The following TRIM35 variants were observed in gnomAD, a reference collection of about 807,000 sequenced individuals.
TRIM35 encodes E3 ubiquitin-protein ligase TRIM35.
TRIM35 carries 37 observed loss-of-function variants against 49.1 expected under a neutral mutation model. The ratio of observed to expected loss-of-function variants is 0.75; its 90% CI spans 0.58 to 0.99. TRIM35 has a LOEUF of 0.99. Ranked by LOEUF, TRIM35 falls within the 50% of genes least tolerant of loss-of-function variation. The probability of loss-of-function intolerance (pLI) is 0.00; values close to 1 mark genes in which losing one functional copy is unlikely to be tolerated. For missense variants in TRIM35, 648 were observed against 702.7 expected (o/e 0.92, Z 0.88); for synonymous variants, 302 against 289.3 (o/e 1.04, Z -0.45).
chr8:27,288,181 C>T lies in TRIM35; in HGVS notation c.905-54G>A. ...AGCAAACCTGAGGTCCCTTAGGCCA[C>T]ACGTGGATATCTCCAGCCCCACAAA... On this transcript the variant is annotated intron_variant, in intron 5 of 5. Transcript: ENST00000305364. The T allele has an allele frequency of 2.7e-6, 4 of 1,506,330 alleles. No individual in the cohort carries two copies. In the South Asian group the frequency reaches 3.7e-5, roughly 14 times the overall value. The allele number at this position is 1,506,330 out of a possible 1,614,324, so 93.3% of individuals were successfully genotyped here. A position where few individuals can be genotyped will look rare whatever the true frequency, so the allele number is the denominator to read the frequency against.
At chr8:27,296,954 A>C (rs1052560999) in intron 2 of TRIM35, among the ~76,000 whole-genome samples, 3 of 152,134 alleles carry the variant, frequency 2.0e-5, no homozygotes, top group Non-Finnish European at 2.9e-5. Flanking sequence ...ATCTTATCTA[A>C]ATTTTTTTTT....
chr8:27,286,082 C>A lies in TRIM35; in HGVS notation c.*1468G>T, dbSNP rs987491307. The A allele has an allele frequency of 4.4e-6, 2 of 456,032 alleles. No individual in the cohort carries two copies. The highest frequency in any genetic ancestry group is 2.4e-5 in the Admixed American group (1 of 42,534). 28.2% of individuals were successfully genotyped at this position (456,032 alleles called of 1,614,324 possible). On this transcript the variant is annotated 3_prime_UTR_variant, in exon 6 of 6. Coordinates refer to ENST00000305364, the MANE Select transcript of TRIM35 (RefSeq NM_171982.5). ...GCTTTTGTGAACTGAAGGGGATGGGCAGAAGGCAGGATGCTGTCCTTGGTC... is the reference window on the plus strand; with the variant it reads ...GCTTTTGTGAACTGAAGGGGATGGGAAGAAGGCAGGATGCTGTCCTTGGTC...
chr8:27,287,530 C>G lies in TRIM35; in HGVS notation c.*20G>C, dbSNP rs368728206. On this transcript the variant is annotated 3_prime_UTR_variant, in exon 6 of 6. Coordinates refer to ENST00000305364, the MANE Select transcript of TRIM35 (RefSeq NM_171982.5). The surrounding 1 kb of genome is among the most constrained non-coding windows in gnomAD (Gnocchi z 6.0). ...AGAAAACAGTGCTGTGGCACAAGAC[C>G]GGGGCAGCCCCGGGCCAGCTCAGCC... is the stretch of plus-strand genomic sequence containing the variant. 6.5e-7 allele frequency: 1 copy of G among 1,532,568 alleles called. No individual in the cohort carries two copies. Among genetic ancestry groups the G allele is most frequent in the Non-Finnish European group, 8.8e-7 (1 of 1,137,778 alleles). The allele number at this position is 1,532,568 out of a possible 1,614,324, so 94.9% of individuals were successfully genotyped here. A position where few individuals can be genotyped will look rare whatever the true frequency, so the allele number is the denominator to read the frequency against.
chr8:27,299,790 C>T (rs2322602), intron 1 of TRIM35, among the ~76,000 whole-genome samples: 54,406 of 152,024 alleles, frequency 0.36, 11,107 homozygotes, highest in Non-Finnish European at 0.46. Flanking sequence ...GTTTGGAGAG[C>T]TTGGGAGAGG....
chr8:27,288,866 T>C (rs891306142), intron 5 of TRIM35, among the ~76,000 whole-genome samples: 6 of 152,200 alleles, frequency 3.9e-5, no homozygotes, highest in African/African-American at 1.4e-4. Context: ...TCTTTTATCA[T>C]ACAAAACACA....
At chr8:27,296,219 C>T (rs896324330) in intron 2 of TRIM35, among the ~76,000 whole-genome samples, 3 of 146,870 alleles carry the variant, frequency 2.0e-5, no homozygotes, top group Non-Finnish European at 4.5e-5. Flanking sequence ...AGGTTTGTTA[C>T]ATAGGTAAAT....
At chr8:27,307,536 G>A (rs1302429856) in intron 1 of TRIM35, among the ~76,000 whole-genome samples, 1 of 152,140 alleles carries the variant, frequency 6.6e-6, no homozygotes, top group Non-Finnish European at 1.5e-5. Context: ...ATACAACCAT[G>A]CCCACAAAGG....
chr8:27,295,378 G>T (rs1586047563), intron 2 of TRIM35, among the ~76,000 whole-genome samples: 1 of 152,132 alleles, frequency 6.6e-6, no homozygotes, highest in East Asian at 1.9e-4. Flanking sequence ...TGTGTGCTGT[G>T]GCAATGGCAG....
intron 2 of TRIM35, among the ~76,000 whole-genome samples, chr8:27,294,962 A>G (rs1158287662): frequency 6.6e-6 from 1 of 152,128 alleles, no homozygotes. Context: ...AGCTGGGACT[A>G]CAGGCACACG....
Position 27,298,386 on chromosome 8 carries a change from C to T in TRIM35, c.531+78G>A, listed in dbSNP as rs1217471426. 6.3e-6 allele frequency: 9 copies of T among 1,418,156 alleles called. No individual in the cohort carries two copies. The Admixed American group carries it at 6.8e-5, about 11-fold the overall frequency. The allele number at this position is 1,418,156 out of a possible 1,614,324, so 87.8% of individuals were successfully genotyped here. A position where few individuals can be genotyped will look rare whatever the true frequency, so the allele number is the denominator to read the frequency against. On this transcript the variant is annotated intron_variant, in intron 2 of 5. Transcript: ENST00000305364. ...CAGCGGGTTATGTGAGCCAAAGCCA[C>T]GGCTGACACATCTTCACTCCTCCCC... is the stretch of plus-strand genomic sequence containing the variant.
At chr8:27,293,555 G>A (rs948040661) in intron 3 of TRIM35, among the ~76,000 whole-genome samples, 6 of 152,038 alleles carry the variant, frequency 3.9e-5, no homozygotes, top group Admixed American at 2.6e-4. Flanking sequence ...AGAAAGAAGA[G>A]ACAGGAGCTG....
intron 2 of TRIM35, among the ~76,000 whole-genome samples, chr8:27,297,958 G>A (rs775166753): frequency 4.6e-5 from 7 of 152,110 alleles, no homozygotes; most frequent in Non-Finnish European, 7.4e-5. Context: ...TTTTCTAAAC[G>A]ATCACCCCAG....
At chr8:27,292,725 AG>A (rs1224786390) in intron 3 of TRIM35, among the ~76,000 whole-genome samples, 3 of 152,242 alleles carry the variant, frequency 2.0e-5, no homozygotes, top group Non-Finnish European at 4.4e-5. Context: ...CAGCTAAAGC[AG>A]GGCTGCTTTT....
At position 27,288,067 on chromosome 8, in the gene TRIM35, G is replaced by C. The variant is rs935291269; in HGVS notation, c.965C>G (p.Thr322Ser). The change falls in exon 6 of 6, where the codon ACC becomes AGC. Residue 322 changes from threonine to serine, a missense_variant. Physicochemically the swap from Thr to Ser is moderately conservative, Grantham distance 58. Transcript: ENST00000305364. ...AGWLSVSDDL[T>S]SVTNHGYRVQ... ...GCGGTAGCCATGGTTGGTGACGCTG[G>C]TGAGGTCGTCAGACACGGAGAGCCA... The C allele has an allele frequency of 3.1e-6, 5 of 1,612,820 alleles. No homozygotes were observed. In the Admixed American group the frequency reaches 6.7e-5, roughly 21 times the overall value.
At chr8:27,310,541 G>A (rs1802906232) in intron 1 of TRIM35, among the ~76,000 whole-genome samples, 2 of 152,390 alleles carry the variant, frequency 1.3e-5, no homozygotes, top group South Asian at 4.1e-4. Context: ...TCAGAAGCAA[G>A]TGTCGCTGTC....
rs1379247936 is a variant in TRIM35 at position 27,285,829 on chromosome 8, C to T, written c.*1721G>A. 1 of 219,006 alleles carries T rather than the reference C, an allele frequency of 4.6e-6. No individual in the cohort carries two copies. The allele number at this position is 219,006 out of a possible 1,614,324, so 13.6% of individuals were successfully genotyped here. A position where few individuals can be genotyped will look rare whatever the true frequency, so the allele number is the denominator to read the frequency against. On this transcript the variant is annotated 3_prime_UTR_variant, in exon 6 of 6. Transcript: ENST00000305364. Reference sequence around the variant, plus strand: ...ACTTTACAGGAGAGGGTCACACTCTCAGACACTTTGGCTCCCAAAGGGCTT... The same window carrying T: ...ACTTTACAGGAGAGGGTCACACTCTTAGACACTTTGGCTCCCAAAGGGCTT...
chr8:27,310,801 C>A lies in TRIM35; in HGVS notation c.435G>T (p.Arg145=). Residue 145 remains arginine (R), a splice_region_variant and synonymous_variant, in exon 1 of 6, where the codon CGG becomes CGT. Transcript: ENST00000305364. ...QPVKDTAHDF[R]AKCRNMEHAL... is the part of the protein sequence containing the mutation. ...GCCTCGTGCAAATCGCTGCTCTTAC[C>A]CGAAAGTCGTGGGCAGTGTCCTTCA... The A allele has an allele frequency of 6.3e-7, 1 of 1,583,184 alleles. No homozygotes were observed. Among genetic ancestry groups the A allele is most frequent in the Non-Finnish European group, 8.6e-7 (1 of 1,159,730 alleles).
chr8:27,288,105 G>A lies in TRIM35; in HGVS notation c.927C>T (p.Asn309=). The A allele has an allele frequency of 1.9e-6, 3 of 1,608,306 alleles. No homozygotes were observed. Among genetic ancestry groups the A allele is most frequent in the South Asian group, 2.2e-5 (2 of 91,042 alleles). ...VESVPFSFDP[N]TAAGWLSVSD... ...ACACGGAGAGCCAGCCAGCTGCGGTGTTGGGGTCAAAGCTGAAGGGTACTG... is the reference window on the plus strand; with the variant it reads ...ACACGGAGAGCCAGCCAGCTGCGGTATTGGGGTCAAAGCTGAAGGGTACTG... Residue 309 remains asparagine, a synonymous_variant, in exon 6 of 6, where the codon AAC becomes AAT. Coordinates refer to ENST00000305364, the MANE Select transcript of TRIM35 (RefSeq NM_171982.5).
intron 1 of TRIM35, among the ~76,000 whole-genome samples, chr8:27,305,644 G>A (rs1045813218): frequency 6.6e-6 from 1 of 152,150 alleles, no homozygotes; most frequent in East Asian, 1.9e-4. Flanking sequence ...AGATGTTGAC[G>A]CCAGAAGGGG....
Sources: allele counts gnomAD v4.1 joint callset (sites outside exome capture counted in the v4.1 genomes callset), GRCh38; gene constraint gnomAD v4.1.1; non-coding constraint Gnocchi (gnomAD v3.1); transcripts MANE v1.5; gene names NCBI Gene and HGNC (gene_info 2026-07-23, HGNC 2026-07-21).